RIC8B: variants seen among roughly 807,000 people sequenced by gnomAD.
The protein encoded by RIC8B is chaperone Ric-8B.
Under a neutral mutation model 57.5 loss-of-function variants are expected in RIC8B, and 16 were observed. The observed-to-expected ratio is 0.28, with a 90% CI of 0.19 to 0.42. RIC8B has a LOEUF of 0.42. Ranked by LOEUF, RIC8B falls within the 10% of genes least tolerant of loss-of-function variation. RIC8B has a pLI of 1.00. For missense variants in RIC8B, 481 were observed against 677.0 expected (o/e 0.71, Z 3.21); for synonymous variants, 216 against 250.8 (o/e 0.86, Z 1.31).
intron 2 of RIC8B, among the ~76,000 whole-genome samples, chr12:106,807,517 T>C (rs937430140): frequency 2.0e-5 from 3 of 152,242 alleles, no homozygotes; most frequent in Admixed American, 6.5e-5. Flanking sequence ...TCATACCCAC[T>C]GTCTTCAAGA....
chr12:106,804,891 C>A (rs1017940413), intron 2 of RIC8B, among the ~76,000 whole-genome samples: 11 of 151,964 alleles, frequency 7.2e-5, no homozygotes, highest in Non-Finnish European at 1.5e-4. Flanking sequence ...AAAAAGATAG[C>A]GTTTGATTTG....
At chr12:106,801,796 G>A (rs1055946277) in intron 2 of RIC8B, among the ~76,000 whole-genome samples, 6 of 152,224 alleles carry the variant, frequency 3.9e-5, no homozygotes, top group Non-Finnish European at 8.8e-5. Flanking sequence ...GTGAAATACA[G>A]TTTTTGAATA....
At chr12:106,856,782 T>C (rs1455112802) in intron 7 of RIC8B, among the ~76,000 whole-genome samples, 4 of 152,184 alleles carry the variant, frequency 2.6e-5, no homozygotes, top group Admixed American at 2.6e-4. Context: ...GCCCCATAAA[T>C]GTTTAATAAA....
intron 9 of RIC8B, 23 bp downstream of exon 9, chr12:106,870,965 T>C: frequency 6.5e-7 from 1 of 1,541,294 alleles, no homozygotes; most frequent in East Asian, 2.5e-5. Context: ...CATCCATTTT[T>C]TGCTTGGTTT....
At chr12:106,794,579 T>C (rs1183337957) in intron 2 of RIC8B, among the ~76,000 whole-genome samples, 1 of 152,018 alleles carries the variant, frequency 6.6e-6, no homozygotes, top group African/African-American at 2.4e-5. Flanking sequence ...GTCAATAAGA[T>C]TCACAGCTGA....
intron 2 of RIC8B, among the ~76,000 whole-genome samples, chr12:106,799,675 A>T: frequency 6.6e-6 from 1 of 152,210 alleles, no homozygotes. Flanking sequence ...TTTCAGAAAG[A>T]TCAATTTACT....
rs758876525 is a variant in RIC8B, at chr12:106,853,453, C to CTTTTTTT, written c.1306+1886_1306+1892dup. The stretch of plus-strand genomic sequence containing the variant: ...GACCTCAACAATTCTGCTTTATAGT[C>CTTTTTTT]TTTTTTTTTTTTTTTTTTTTTTTTT... On this transcript the variant is annotated intron_variant, in intron 7 of 9. Transcript: ENST00000392837. Among the ~76,000 whole-genome samples, 109 of 38,042 alleles carry CTTTTTTT rather than the reference C, an allele frequency of 2.9e-3. 24 individuals carry two copies. The highest frequency in any genetic ancestry group is 7.2e-3 in the African/African-American group (55 of 7,604). The allele number at this position is 38,042 out of a possible 152,430, so 25.0% of individuals were successfully genotyped here.
At chr12:106,782,540 C>A (rs2043812632) in intron 1 of RIC8B, among the ~76,000 whole-genome samples, 1 of 152,178 alleles carries the variant, frequency 6.6e-6, no homozygotes. Context: ...TCGTAGTCTT[C>A]CCCTGGTTGC....
In RIC8B at chr12:106,860,159, AGG is replaced by A. The variant is rs536814938; in HGVS notation, c.1307-108_1307-107del. 103 of 925,014 alleles carry A rather than the reference AGG, an allele frequency of 1.1e-4. 1 individual carries two copies. In the East Asian group the frequency reaches 2.1e-3, roughly 19 times the overall value. The allele number at this position is 925,014 out of a possible 1,614,324, so 57.3% of individuals were successfully genotyped here. ...ACATTTTGAAATTCTCTCAGTTTAAAGGTTTACTGCCATAGTGTGTGTCTTCA... is the reference window on the plus strand; with the variant it reads ...ACATTTTGAAATTCTCTCAGTTTAAATTTACTGCCATAGTGTGTGTCTTCA... On this transcript the variant is annotated intron_variant, in intron 7 of 9. Coordinates refer to ENST00000392837, the MANE Select transcript of RIC8B (RefSeq NM_001330145.2).
chr12:106,828,971 A>C (rs973220946), intron 4 of RIC8B, among the ~76,000 whole-genome samples: 3 of 152,216 alleles, frequency 2.0e-5, no homozygotes, highest in African/African-American at 7.2e-5. Context: ...GGTTAAAAAA[A>C]ATAGCCTGGC....
intron 3 of RIC8B, among the ~76,000 whole-genome samples, chr12:106,818,026 G>C (rs2045659917): frequency 6.6e-6 from 1 of 152,076 alleles, no homozygotes; most frequent in Admixed American, 6.5e-5. Flanking sequence ...TTATTGTACA[G>C]AAGAATCCAA....
intron 2 of RIC8B, among the ~76,000 whole-genome samples, chr12:106,787,549 A>G (rs1251953844): frequency 6.6e-6 from 1 of 152,312 alleles, no homozygotes; most frequent in African/African-American, 2.4e-5. Context: ...GACTGGGAAG[A>G]AAAAGAGGTT....
chr12:106,843,836 G>GTTT lies in RIC8B; in HGVS notation c.1066-7_1066-5dup. On this transcript the variant is annotated splice_polypyrimidine_tract_variant and intron_variant, in intron 5 of 9. Coordinates refer to ENST00000392837, the MANE Select transcript of RIC8B (RefSeq NM_001330145.2). ...AACTAACGTATTTCAAAAACATATG[G>GTTT]TTTTTTTTTTTATAGGGAAGCAGCT... 19 of 1,241,296 alleles carry GTTT rather than the reference G, an allele frequency of 1.5e-5. No homozygotes were observed. Among genetic ancestry groups the GTTT allele is most frequent in the Admixed American group, 2.1e-5 (1 of 48,232 alleles). The allele number at this position is 1,241,296 out of a possible 1,614,324, so 76.9% of individuals were successfully genotyped here. A position where few individuals can be genotyped will look rare whatever the true frequency, so the allele number is the denominator to read the frequency against.
intron 6 of RIC8B, among the ~76,000 whole-genome samples, chr12:106,846,847 T>A (rs997905873): frequency 1.3e-5 from 2 of 151,916 alleles, no homozygotes; most frequent in Non-Finnish European, 2.9e-5. Flanking sequence ...ACAGTAGAGG[T>A]ATGGAGATGA....
Position 106,867,330 on chromosome 12 carries a change from T to C in RIC8B, c.1452-3493T>C, listed in dbSNP as rs1425641470. Among the ~76,000 whole-genome samples the C allele has an allele frequency of 6.6e-6, 1 of 152,232 alleles. No homozygotes were observed. Among genetic ancestry groups the C allele is most frequent in the Admixed American group, 6.5e-5 (1 of 15,278 alleles). On this transcript the variant is annotated intron_variant, in intron 8 of 9. Transcript: ENST00000392837. This position sits in a 1 kb window ranked among gnomAD's most constrained non-coding sequence, Gnocchi z 4.3. ...CCACAGATAAGAATTTAGACACTTC[T>C]TGTCACCTAATTGGAAGTCACAAGA...
At chr12:106,873,143 T>C (rs1335541175) in intron 9 of RIC8B, 1 of 985,422 alleles carries the variant, frequency 1.0e-6, no homozygotes, top group Non-Finnish European at 1.2e-6. Flanking sequence ...TGCCTACTTA[T>C]CCGGAAGTAC....
At chr12:106,779,004 C>T (rs2043619975) in intron 1 of RIC8B, among the ~76,000 whole-genome samples, 1 of 152,086 alleles carries the variant, frequency 6.6e-6, no homozygotes, top group African/African-American at 2.4e-5. Context: ...ACCTCTGCCT[C>T]CTGGGTTCGA....
chr12:106,791,720 T>C, intron 2 of RIC8B, among the ~76,000 whole-genome samples: 1 of 152,240 alleles, frequency 6.6e-6, no homozygotes, highest in Non-Finnish European at 1.5e-5. Context: ...GTTGGCTTTT[T>C]GTCCATGGTG....
chr12:106,824,243 C>A (rs1329027732), intron 3 of RIC8B, among the ~76,000 whole-genome samples: 1 of 152,154 alleles, frequency 6.6e-6, no homozygotes, highest in Non-Finnish European at 1.5e-5. Flanking sequence ...CTTCTTTAAT[C>A]CTTTGTAACC....
Sources: gnomAD v4.1 joint callset for allele counts (sites outside exome capture counted in the v4.1 genomes callset) on GRCh38, gnomAD v4.1.1 for gene constraint, Gnocchi (gnomAD v3.1) non-coding constraint, MANE v1.5 for transcripts, NCBI Gene and HGNC (gene_info 2026-07-23, HGNC 2026-07-21) for gene names.